LRRC49: variants seen among roughly 807,000 people sequenced by gnomAD.
LRRC49 encodes the protein leucine rich repeat containing 49, also known as leucine-rich repeat-containing protein 49.
Under a neutral mutation model 83.3 loss-of-function variants are expected in LRRC49, and 50 were observed. The observed-to-expected ratio is 0.60, with a 90% CI of 0.48 to 0.76. The LOEUF (loss-of-function observed/expected upper bound fraction) is 0.76. LRRC49 is among the 30% of genes least tolerant of loss of function. The pLI is 0.00. For missense variants in LRRC49, 704 were observed against 809.1 expected (o/e 0.87, Z 1.58); for synonymous variants, 286 against 283.3 (o/e 1.01, Z -0.10).
In LRRC49 at chr15:70,980,157, G is replaced by A. The variant is rs777510488; in HGVS notation, c.978G>A (p.Arg326=). 9.3e-6 allele frequency: 15 copies of A among 1,612,140 alleles called. No individual in the cohort carries two copies. Among genetic ancestry groups the A allele is most frequent in the Non-Finnish European group, 8.5e-7 (1 of 1,179,072 alleles). ...VLAKKEEEKK[R]ESHKQSLLKE... Reference sequence around the variant, plus strand: ...CCAAAAAAGAGGAAGAGAAGAAGCGGGAAAGTCATAAACAATCTTTGCTTA... The same window carrying A: ...CCAAAAAAGAGGAAGAGAAGAAGCGAGAAAGTCATAAACAATCTTTGCTTA... Residue 326 remains arginine (R), a synonymous_variant, in exon 10 of 16, where the codon CGG becomes CGA. Transcript: ENST00000260382.
intron 8 of LRRC49, among the ~76,000 whole-genome samples, chr15:70,962,245 G>A (rs182499215): frequency 2.4e-4 from 37 of 152,294 alleles, no homozygotes; most frequent in Middle Eastern, 3.4e-3. Context: ...AGGCTAGAAT[G>A]ATTCATTTGG....
intron 11 of LRRC49, among the ~76,000 whole-genome samples, chr15:70,994,360 A>G (rs1464693454): frequency 6.6e-6 from 1 of 152,088 alleles, no homozygotes; most frequent in Non-Finnish European, 1.5e-5. Flanking sequence ...GACTCTTTTG[A>G]TTATAGTAAT....
At chr15:70,929,834 C>T (rs77185799) in intron 7 of LRRC49, among the ~76,000 whole-genome samples, 4,457 of 152,228 alleles carry the variant, frequency 0.029, 222 homozygotes, top group African/African-American at 0.1. Context: ...AGAAGTGACT[C>T]CTCATCTATT....
chr15:70,872,296 G>GAGGCAGGAGAATC (rs2033064719), intron 1 of LRRC49, among the ~76,000 whole-genome samples: 1 of 152,224 alleles, frequency 6.6e-6, no homozygotes, highest in Non-Finnish European at 1.5e-5. Flanking sequence ...TGGGCAGGCT[G>GAGGCAGGAGAATC]AGGCAGGAGA....
chr15:71,047,475 T>C (rs1048557121), intron 15 of LRRC49, among the ~76,000 whole-genome samples: 2 of 152,218 alleles, frequency 1.3e-5, no homozygotes, highest in African/African-American at 4.8e-5. Flanking sequence ...TTGATTTCAC[T>C]GTCAGCCTGG....
At chr15:70,991,000 G>A (rs1379213186) in intron 11 of LRRC49, among the ~76,000 whole-genome samples, 1 of 152,162 alleles carries the variant, frequency 6.6e-6, no homozygotes, top group Non-Finnish European at 1.5e-5. Context: ...ATGAGGAAAG[G>A]AATCCTGCTT....
At chr15:70,916,440 C>G (rs547877113) in intron 6 of LRRC49, among the ~76,000 whole-genome samples, 1 of 152,098 alleles carries the variant, frequency 6.6e-6, no homozygotes, top group Admixed American at 6.5e-5. Context: ...GATTACAGGC[C>G]CATGCCACCA....
intron 8 of LRRC49, among the ~76,000 whole-genome samples, chr15:70,937,064 C>T (rs1329054848): frequency 2.0e-5 from 3 of 152,156 alleles, no homozygotes; most frequent in African/African-American, 7.2e-5. Flanking sequence ...TAGAGTTGCT[C>T]TTTTGTAAAA....
rs913206276 is a variant in LRRC49 at position 71,052,483 on chromosome 15, C to T, written c.*2871C>T. On this transcript the variant is annotated 3_prime_UTR_variant, in exon 16 of 16. Transcript: ENST00000260382. ...CTGAGTCAGAGGATGGTGCTGGTAT[C>T]AGCTCCTCACTTCCTGAGCTTCATT... is the stretch of plus-strand genomic sequence containing the variant. 2.6e-5 allele frequency: 4 copies of T among 152,154 alleles called. No homozygotes were observed. The highest frequency in any genetic ancestry group is 1.9e-4 in the East Asian group (1 of 5,178). The allele number at this position is 152,154 out of a possible 1,614,324, so 9.4% of individuals were successfully genotyped here.
intron 14 of LRRC49, among the ~76,000 whole-genome samples, chr15:71,025,914 A>G (rs2039154027): frequency 6.6e-6 from 1 of 152,196 alleles, no homozygotes; most frequent in South Asian, 2.1e-4. Context: ...AGACTCCCAC[A>G]CAATAATAGT....
At position 70,971,727 on chromosome 15, in the gene LRRC49, C is replaced by T. The variant is rs570906820; in HGVS notation, c.921+7795C>T. ...AGATCCCTTTATTATTATGCAATGC[C>T]CTTCTTTGTCTTTTTTGATCTTTGT... On this transcript the variant is annotated intron_variant, in intron 9 of 15. Transcript: ENST00000260382. Among the ~76,000 whole-genome samples, 84 of 151,408 alleles carry T rather than the reference C, an allele frequency of 5.5e-4. 1 individual carries two copies. In the South Asian group the frequency reaches 0.017, roughly 30 times the overall value.
chr15:70,905,746 T>G (rs544953475), intron 5 of LRRC49, among the ~76,000 whole-genome samples: 151 of 152,304 alleles, frequency 9.9e-4, no homozygotes, highest in African/African-American at 3.6e-3. Context: ...CAAGGCCTAT[T>G]TGTTCAGATT....
chr15:71,035,018 A>G (rs1366614303), intron 14 of LRRC49, among the ~76,000 whole-genome samples: 1 of 152,200 alleles, frequency 6.6e-6, no homozygotes, highest in Non-Finnish European at 1.5e-5. Flanking sequence ...AAAGCTGCAC[A>G]TCCTGCACAG....
At chr15:70,891,788 A>G (rs1347064308), upstream of LRRC49, 2 of 1,432,710 alleles carry the variant, frequency 1.4e-6, no homozygotes, top group Non-Finnish European at 1.8e-6. Flanking sequence ...CACTAAGTGG[A>G]GGAGCCCAGC....
At chr15:70,981,351 G>C (rs529218457) in intron 10 of LRRC49, among the ~76,000 whole-genome samples, 1 of 144,702 alleles carries the variant, frequency 6.9e-6, no homozygotes, top group South Asian at 2.4e-4. Context: ...TTGGAGGGTG[G>C]GGGGGCTAGG....
chr15:70,961,346 A>G (rs930976846), intron 8 of LRRC49, among the ~76,000 whole-genome samples: 3 of 152,240 alleles, frequency 2.0e-5, no homozygotes, highest in Non-Finnish European at 4.4e-5. Flanking sequence ...AGTTTCTTAC[A>G]AAGCTAAAAT....
chr15:71,001,956 G>T (rs1309832540), intron 11 of LRRC49, among the ~76,000 whole-genome samples: 2 of 152,138 alleles, frequency 1.3e-5, no homozygotes, highest in Non-Finnish European at 2.9e-5. Context: ...CTCCCAAAGT[G>T]CTGGGATTAC....
chr15:71,049,412 A>G lies in LRRC49; in HGVS notation c.1861A>G (p.Ile621Val). The G allele has an allele frequency of 6.4e-7, 1 of 1,567,918 alleles. No individual in the cohort carries two copies. ...AACTTTCTCTTTTTTTTAACAGGAA[A>G]TAAAGGAAAAGAAGAAATTCTGTAA... ...RDFYNEKLEE[I>V]KEKKKFCKTY... Residue 621 changes from isoleucine to valine, a missense_variant, in exon 16 of 16, where the codon ATA becomes GTA. Physicochemically the swap from Ile to Val is conservative, Grantham distance 29. Around this residue, in one of 3 missense-constraint regions of LRRC49, gnomAD observed 275 missense variants for 338.0 expected, o/e 0.81. Coordinates refer to ENST00000260382, the MANE Select transcript of LRRC49 (RefSeq NM_017691.5).
chr15:70,892,928 C>G lies in LRRC49; in HGVS notation c.34C>G (p.Arg12Gly), dbSNP rs368000896. The G allele has an allele frequency of 6.2e-7, 1 of 1,614,202 alleles. No individual in the cohort carries two copies. Among genetic ancestry groups the G allele is most frequent in the Non-Finnish European group, 8.5e-7 (1 of 1,180,030 alleles). Residue 12 changes from arginine to glycine, a missense_variant, in exon 1 of 16, where the codon CGG (arginine) becomes GGG (glycine). Physicochemically the swap from Arg to Gly is moderately radical, Grantham distance 125. Transcript: ENST00000260382. ...CGGGAAATATCGCTCTGTTTCTGGCCGGGCTGCGAACAACGTAAGTTGGGC... is the reference window on the plus strand; with the variant it reads ...CGGGAAATATCGCTCTGTTTCTGGCGGGGCTGCGAACAACGTAAGTTGGGC... The part of the protein sequence containing the change: ...IPGKYRSVSG[R>G]AANNVNCGLH...
Sources: gnomAD v4.1 joint callset for allele counts (sites outside exome capture counted in the v4.1 genomes callset) on GRCh38, gnomAD v4.1.1 for gene constraint, gnomAD v4.1.1 regional missense constraint, MANE v1.5 for transcripts, NCBI Gene and HGNC (gene_info 2026-07-23, HGNC 2026-07-21) for gene names.